The following FHOD3 variants were observed in gnomAD, a reference collection of about 807,000 sequenced individuals.
FHOD3 encodes the protein formin homology 2 domain containing 3.
A neutral mutation model predicts 173.0 loss-of-function variants in FHOD3; 90 were observed. The observed-to-expected ratio is 0.52, with a 90% CI of 0.44 to 0.62. The LOEUF is 0.62. FHOD3 is among the 20% of genes least tolerant of loss of function. The pLI is 0.00. For synonymous variants in FHOD3, 828 were observed against 823.0 expected (o/e 1.01, Z -0.10); for missense variants, 1,945 against 2,034.7 (o/e 0.96, Z 0.85).
intron 1 of FHOD3, 128 bp from the exon 2 acceptor site, chr18:36,355,411 A>C: frequency 1.4e-6 from 1 of 711,176 alleles, no homozygotes; most frequent in Non-Finnish European, 2.4e-6. Flanking sequence ...TAGCTCTTCA[A>C]GTTATGATCC....
At chr18:36,618,946 T>A (rs1004350930) in intron 9 of FHOD3, among the ~76,000 whole-genome samples, 1 of 152,184 alleles carries the variant, frequency 6.6e-6, no homozygotes, top group Non-Finnish European at 1.5e-5. Context: ...CTTTCAGTGG[T>A]GTCCTTATCA....
At chr18:36,534,449 G>A (rs1157621981) in intron 5 of FHOD3, among the ~76,000 whole-genome samples, 2 of 152,024 alleles carry the variant, frequency 1.3e-5, no homozygotes, top group African/African-American at 4.8e-5. Context: ...ACTGGCAGAG[G>A]TGGGACTATT....
At chr18:36,330,597 TC>T (rs376410064) in intron 1 of FHOD3, among the ~76,000 whole-genome samples, 1,539 of 126,542 alleles carry the variant, frequency 0.012, 20 homozygotes, top group African/African-American at 0.081. Flanking sequence ...GGGCTGACCA[TC>T]CGTCATTTTG....
chr18:36,556,387 G>A (rs1399347136), intron 5 of FHOD3, among the ~76,000 whole-genome samples: 8 of 152,148 alleles, frequency 5.3e-5, no homozygotes, highest in African/African-American at 1.7e-4. Context: ...CACATGGAGA[G>A]AGGGTCAACA....
intron 3 of FHOD3, among the ~76,000 whole-genome samples, chr18:36,388,078 T>A (rs769363686): frequency 1.3e-5 from 2 of 152,008 alleles, no homozygotes; most frequent in African/African-American, 2.4e-5. Flanking sequence ...AGCACTTTTG[T>A]GTGTCTTTGA....
At chr18:36,707,740 G>C (rs2039962114) in intron 17 of FHOD3, among the ~76,000 whole-genome samples, 1 of 152,180 alleles carries the variant, frequency 6.6e-6, no homozygotes, top group Non-Finnish European at 1.5e-5. Flanking sequence ...CCCATTACCT[G>C]GTGCCGCAGG....
At chr18:36,515,959 C>A (rs2055950662) in intron 5 of FHOD3, among the ~76,000 whole-genome samples, 1 of 152,188 alleles carries the variant, frequency 6.6e-6, no homozygotes. Flanking sequence ...TTTGATGTAA[C>A]CAACCAAAGC....
chr18:36,380,578 T>C (rs8087473), intron 3 of FHOD3, among the ~76,000 whole-genome samples: 7,980 of 51,768 alleles, frequency 0.15, 1,020 homozygotes, highest in East Asian at 0.48. Context: ...TTTTCTTTTC[T>C]TTTCCTTTCC....
At chr18:36,345,993 T>G (rs760494684) in intron 1 of FHOD3, among the ~76,000 whole-genome samples, 4 of 152,164 alleles carry the variant, frequency 2.6e-5, no homozygotes, top group Non-Finnish European at 5.9e-5. Flanking sequence ...ATTTCAACCA[T>G]CATATTTTTA....
intron 3 of FHOD3, among the ~76,000 whole-genome samples, chr18:36,410,052 C>G (rs1339297649): frequency 2.0e-5 from 3 of 152,210 alleles, no homozygotes; most frequent in Non-Finnish European, 4.4e-5. Flanking sequence ...CCTAAAGTGT[C>G]TGATTCAGTG....
intron 19 of FHOD3, among the ~76,000 whole-genome samples, chr18:36,728,276 A>G (rs941267091): frequency 1.3e-5 from 2 of 152,170 alleles, no homozygotes; most frequent in African/African-American, 4.8e-5. Context: ...GCACCACAGT[A>G]TTGGCATTGC....
intron 1 of FHOD3, among the ~76,000 whole-genome samples, chr18:36,342,664 A>C (rs2045680857): frequency 6.6e-6 from 1 of 152,234 alleles, no homozygotes; most frequent in Admixed American, 6.5e-5. Flanking sequence ...AACAAGAGAA[A>C]ATAGGTAAAT....
At chr18:36,562,288 A>G (rs1260250965) in intron 5 of FHOD3, among the ~76,000 whole-genome samples, 2 of 152,158 alleles carry the variant, frequency 1.3e-5, no homozygotes, top group Non-Finnish European at 2.9e-5. Flanking sequence ...AAGTGCTGTG[A>G]TTACAGATGT....
chr18:36,654,952 C>T (rs539051432), intron 13 of FHOD3, among the ~76,000 whole-genome samples: 3 of 152,134 alleles, frequency 2.0e-5, no homozygotes, highest in African/African-American at 7.2e-5. Flanking sequence ...TTAAAAAGAG[C>T]AGATATGGAA....
intron 6 of FHOD3, among the ~76,000 whole-genome samples, chr18:36,587,156 G>A (rs2059063107): frequency 1.3e-5 from 2 of 152,154 alleles, no homozygotes; most frequent in African/African-American, 4.8e-5. Flanking sequence ...GGAGATGGTG[G>A]GGGGAACTTC....
At chr18:36,367,460 G>A (rs536715701) in intron 2 of FHOD3, among the ~76,000 whole-genome samples, 18 of 152,266 alleles carry the variant, frequency 1.2e-4, no homozygotes, top group Admixed American at 4.6e-4. Context: ...AAGCTGAGCC[G>A]CGTTGCCTTC....
intron 3 of FHOD3, among the ~76,000 whole-genome samples, chr18:36,408,349 G>T (rs1157404922): frequency 6.6e-6 from 1 of 152,204 alleles, no homozygotes; most frequent in East Asian, 1.9e-4. Flanking sequence ...TGTAGGGCAG[G>T]TCCTGCATTG....
chr18:36,625,252 G>C (rs2034009469), intron 9 of FHOD3, among the ~76,000 whole-genome samples: 1 of 152,172 alleles, frequency 6.6e-6, no homozygotes, highest in Non-Finnish European at 1.5e-5. Context: ...ATATTTCTCA[G>C]ACTCACTGGT....
At chr18:36,367,498 G>A (rs556995799) in intron 2 of FHOD3, among the ~76,000 whole-genome samples, 24 of 152,272 alleles carry the variant, frequency 1.6e-4, no homozygotes, top group Middle Eastern at 6.8e-3. Flanking sequence ...GGTACTTGGC[G>A]CATTCCACTT....
Sources: allele counts gnomAD v4.1 joint callset (sites outside exome capture counted in the v4.1 genomes callset), GRCh38; gene constraint gnomAD v4.1.1; transcripts MANE v1.5; gene names NCBI Gene and HGNC (gene_info 2026-07-23, HGNC 2026-07-21).